Variants in ABCB8 observed in about 807,000 individuals in gnomAD.
The protein encoded by ABCB8 is mitochondrial potassium channel ATP-binding subunit.
Under a neutral mutation model 73.0 loss-of-function variants are expected in ABCB8, and 52 were observed. The observed-to-expected ratio is 0.71, with a 90% confidence interval of 0.57 to 0.90. ABCB8 has a LOEUF of 0.90. ABCB8 is among the 40% of genes least tolerant of loss of function. ABCB8 has a pLI of 0.00. For missense variants in ABCB8, 909 were observed against 974.6 expected, an observed-to-expected ratio of 0.93 and a Z score of 0.90; for synonymous variants, 428 against 423.5, an observed-to-expected ratio of 1.01 and a Z score of -0.13.
At position 151,045,362 on chromosome 7, in the gene ABCB8, G is replaced by A; in HGVS notation, c.*13G>A. 1 of 1,525,008 alleles carries A rather than the reference G, an allele frequency of 6.6e-7. No homozygotes were observed. Among genetic ancestry groups the A allele is most frequent in the Non-Finnish European group, 8.8e-7 (1 of 1,133,598 alleles). The allele number at this position is 1,525,008 out of a possible 1,614,324, so 94.5% of individuals were successfully genotyped here. The stretch of plus-strand genomic sequence containing the variant: ...GCACAAGTCCTGAGAAGGGCCCCCT[G>A]AGGTGTGGTCGCTGCCAAGCATCAG... On this transcript the variant is annotated 3_prime_UTR_variant, in exon 16 of 16. Coordinates refer to ENST00000358849, the MANE Select transcript of ABCB8 (RefSeq NM_007188.5).
At chr7:151,042,687 T>C (rs1796500733) in intron 14 of ABCB8, among the ~76,000 whole-genome samples, 1 of 152,216 alleles carries the variant, frequency 6.6e-6, no homozygotes, top group Non-Finnish European at 1.5e-5. Flanking sequence ...CAGGTCTTTT[T>C]CCAGCCTTCG....
intron 1 of ABCB8, chr7:151,028,834 G>T: frequency 1.3e-6 from 2 of 1,555,028 alleles, no homozygotes; most frequent in Non-Finnish European, 1.7e-6. Context: ...GTGTCAGCCA[G>T]AAGGAGGGGA....
intron 13 of ABCB8, 81 bp from the exon 14 acceptor site, chr7:151,041,880 A>G (rs528423548): frequency 6.6e-7 from 1 of 1,509,188 alleles, no homozygotes; most frequent in East Asian, 2.3e-5. Context: ...AGACTGTCCC[A>G]TTGTGTATGG....
In ABCB8 at chr7:151,045,322, C is replaced by G. The variant is rs148855818; in HGVS notation, c.2130C>G (p.Gly710=). ...CCCCACCGCCCAAAAAGCCAGAAGG[C>G]CCCAGGAGCCACCAGCACAAGTCCT... ...TAAPPPKKPE[G]PRSHQHKS Residue 710 remains glycine (G), a synonymous_variant, in exon 16 of 16, where the codon GGC becomes GGG. Transcript: ENST00000358849. 1.9e-4 allele frequency: 300 copies of G among 1,589,562 alleles called. No homozygotes were observed. Among genetic ancestry groups the G allele is most frequent in the Non-Finnish European group, 2.4e-4 (281 of 1,167,694 alleles).
intron 5 of ABCB8, among the ~76,000 whole-genome samples, chr7:151,035,116 C>G (rs540746199): frequency 6.6e-6 from 1 of 152,358 alleles, no homozygotes; most frequent in African/African-American, 2.4e-5. Context: ...CTGGCAAGAG[C>G]AAAATCACTT....
At chr7:151,032,940 T>C (rs1448608931) in intron 1 of ABCB8, 3 of 447,734 alleles carry the variant, frequency 6.7e-6, no homozygotes, top group Non-Finnish European at 9.0e-6. Context: ...ACTGGCAGAG[T>C]AGAGCCAGCC....
chr7:151,034,811 C>T lies in ABCB8; in HGVS notation c.747C>T (p.Phe249=). Reference sequence around the variant, plus strand: ...ACGTGCAGGAGTTTAAGTCATCCTTCAAGCTTGTCATCTCCCAGGTCAGTG... The same window carrying T: ...ACGTGCAGGAGTTTAAGTCATCCTTTAAGCTTGTCATCTCCCAGGTCAGTG... The part of the protein sequence containing the change: ...TTDVQEFKSS[F]KLVISQGLRS... Residue 249 remains phenylalanine, a synonymous_variant, in exon 5 of 16, where the codon TTC becomes TTT. Transcript: ENST00000358849. 1 of 1,613,734 alleles carries T rather than the reference C, an allele frequency of 6.2e-7. No homozygotes were observed. Among genetic ancestry groups the T allele is most frequent in the South Asian group, 1.1e-5 (1 of 91,056 alleles).
At position 151,035,867 on chromosome 7, in the gene ABCB8, C is replaced by T; in HGVS notation, c.928-15C>T. The T allele has an allele frequency of 2.5e-6, 4 of 1,612,668 alleles. No homozygotes were observed. Among genetic ancestry groups the T allele is most frequent in the Non-Finnish European group, 3.4e-6 (4 of 1,179,990 alleles). On this transcript the variant is annotated splice_polypyrimidine_tract_variant and intron_variant, in intron 6 of 15. Coordinates refer to ENST00000358849, the MANE Select transcript of ABCB8 (RefSeq NM_007188.5). ...TTTTCTGGACTCCTTGTCCTGTTTC[C>T]TGGACTCCTTGCAGATCGCCAGGGC...
chr7:151,043,411 CAGG>C (rs1467098930), intron 14 of ABCB8, among the ~76,000 whole-genome samples: 1 of 140,002 alleles, frequency 7.1e-6, no homozygotes, highest in African/African-American at 2.7e-5. Flanking sequence ...GGGTCAGAGG[CAGG>C]AGGAGGGTGC....
Position 151,041,943 on chromosome 7 carries a change from A to T in ABCB8, c.1618-18A>T. On this transcript the variant is annotated intron_variant, in intron 13 of 15. Coordinates refer to ENST00000358849, the MANE Select transcript of ABCB8 (RefSeq NM_007188.5). ...GAATGTTTCTATGGACTCTGTCTCC[A>T]TAACCCCTCACCCACAGGAGCCCGT... The T allele has an allele frequency of 6.2e-7, 1 of 1,611,450 alleles. No homozygotes were observed. The highest frequency in any genetic ancestry group is 8.5e-7 in the Non-Finnish European group (1 of 1,179,802).
chr7:151,046,582 A>G lies in ABCB8; in HGVS notation c.*1233A>G, dbSNP rs1211692705. The G allele has an allele frequency of 3.9e-5, 6 of 152,208 alleles. No individual in the cohort carries two copies. The highest frequency in any genetic ancestry group is 2.0e-4 in the Admixed American group (3 of 15,278). The allele number at this position is 152,208 out of a possible 1,614,324, so 9.4% of individuals were successfully genotyped here. Reference sequence around the variant, plus strand: ...CACTTCCTACTGGGATCCTTCCCCTATCCAGCCACATCCAGGCTGTGGGAC... The same window carrying G: ...CACTTCCTACTGGGATCCTTCCCCTGTCCAGCCACATCCAGGCTGTGGGAC... On this transcript the variant is annotated 3_prime_UTR_variant, in exon 16 of 16. Coordinates refer to ENST00000358849, the MANE Select transcript of ABCB8 (RefSeq NM_007188.5).
In ABCB8 at chr7:151,036,084, C is replaced by T. The variant is rs1796300655; in HGVS notation, c.1025C>T (p.Ala342Val). The T allele has an allele frequency of 4.3e-6, 7 of 1,612,986 alleles. No homozygotes were observed. Among genetic ancestry groups the T allele is most frequent in the Admixed American group, 1.7e-5 (1 of 59,994 alleles). Residue 342 changes from alanine to valine, a missense_variant, in exon 8 of 16, where the codon GCA becomes GTA. Ala to Val is a moderately conservative substitution (Grantham distance 64, BLOSUM62 0). Transcript: ENST00000358849. ...GTCTCTCTCACCAGGCGCTATGGGG[C>T]AGAGCTGGAAGCCTGCCGCTGCCGG... is the stretch of plus-strand genomic sequence containing the variant. ...MEQREEERYG[A>V]ELEACRCRAE... is the part of the protein sequence containing the mutation.
chr7:151,042,997 C>G (rs1414714472), intron 14 of ABCB8, among the ~76,000 whole-genome samples: 2 of 152,250 alleles, frequency 1.3e-5, no homozygotes, highest in African/African-American at 4.8e-5. Context: ...GGGCTGCGTC[C>G]TTACTGACCT....
chr7:151,033,116 A>C, intron 1 of ABCB8: 4 of 457,708 alleles, frequency 8.7e-6, no homozygotes, highest in South Asian at 6.2e-5. Context: ...GAAGTAGCCC[A>C]TTAGCTCCAG....
chr7:151,035,726 G>A lies in ABCB8; in HGVS notation c.911G>A (p.Arg304His), dbSNP rs758830222. 2.2e-5 allele frequency: 36 copies of A among 1,613,054 alleles called. No homozygotes were observed. Among genetic ancestry groups the A allele is most frequent in the South Asian group, 2.1e-4 (19 of 91,084 alleles). Reference protein sequence around the residue: ...LMGSGLRKLSRQCQEQIARAM... With the variant: ...LMGSGLRKLSHQCQEQIARAM... Reference sequence around the variant, plus strand: ...GGCTCAGGCCTCCGAAAATTGTCTCGCCAGTGTCAGGAGCAGGTACCGGCA... The same window carrying A: ...GGCTCAGGCCTCCGAAAATTGTCTCACCAGTGTCAGGAGCAGGTACCGGCA... The change falls in exon 6 of 16, where the codon CGC becomes CAC. Residue 304 changes from arginine (R) to histidine (H), a missense_variant. Physicochemically the swap from Arg to His is conservative, Grantham distance 29 (BLOSUM62 0). Coordinates refer to ENST00000358849, the MANE Select transcript of ABCB8 (RefSeq NM_007188.5).
intron 10 of ABCB8, 69 bp downstream of exon 10, chr7:151,040,370 C>T: frequency 6.3e-7 from 1 of 1,599,496 alleles, no homozygotes; most frequent in Non-Finnish European, 8.5e-7. Flanking sequence ...GTGGGAGCTG[C>T]CTATTGACTG....
At position 151,028,900 on chromosome 7, in the gene ABCB8, C is replaced by G. The variant is rs779396067; in HGVS notation, c.95+290C>G. On this transcript the variant is annotated intron_variant, in intron 1 of 15. Coordinates refer to ENST00000358849, the MANE Select transcript of ABCB8 (RefSeq NM_007188.5). ...CACTCCCGACCGGGGGTCCCCTTTCCTGGCCCTGGAGGTGATTGCGCGATT... is the reference window on the plus strand; with the variant it reads ...CACTCCCGACCGGGGGTCCCCTTTCGTGGCCCTGGAGGTGATTGCGCGATT... The G allele has an allele frequency of 2.0e-6, 3 of 1,472,988 alleles. No individual in the cohort carries two copies. In the East Asian group the frequency reaches 8.5e-5, roughly 42 times the overall value. The allele number at this position is 1,472,988 out of a possible 1,614,324, so 91.2% of individuals were successfully genotyped here. A position where few individuals can be genotyped will look rare whatever the true frequency, so the allele number is the denominator to read the frequency against.
chr7:151,033,680 C>G lies in ABCB8; in HGVS notation c.171C>G (p.Leu57=). 1 of 1,611,876 alleles carries G rather than the reference C, an allele frequency of 6.2e-7. No individual in the cohort carries two copies. Among genetic ancestry groups the G allele is most frequent in the Non-Finnish European group, 8.5e-7 (1 of 1,178,746 alleles). ...TGCGGTCCCAGCTCTGGGCCCACCTCCCTCGAGCCCCCCTAGCTCCCAGAT... is the reference window on the plus strand; with the variant it reads ...TGCGGTCCCAGCTCTGGGCCCACCTGCCTCGAGCCCCCCTAGCTCCCAGAT... The part of the protein sequence containing the change: ...AHLRSQLWAH[L]PRAPLAPRWS... Residue 57 remains leucine (L), a synonymous_variant, in exon 2 of 16, where the codon CTC becomes CTG. Transcript: ENST00000358849.
chr7:151,031,495 C>T, intron 1 of ABCB8: 1 of 592,138 alleles, frequency 1.7e-6, no homozygotes, highest in East Asian at 3.0e-5. Context: ...GAAAAGCTCA[C>T]ACTACTCTTT....
Sources: allele counts gnomAD v4.1 joint callset (sites outside exome capture counted in the v4.1 genomes callset), GRCh38; gene constraint gnomAD v4.1.1; transcripts MANE v1.5; gene names NCBI Gene and HGNC (gene_info 2026-07-23, HGNC 2026-07-21).